Variants in NKAIN2 observed in about 807,000 individuals in gnomAD.
NKAIN2 encodes sodium/potassium transporting ATPase interacting 2.
A neutral mutation model predicts 32.6 loss-of-function variants in NKAIN2; 14 were observed. The ratio of observed to expected loss-of-function variants is 0.43; its 90% confidence interval spans 0.28 to 0.67. NKAIN2 has a LOEUF of 0.67. Among genes scored for constraint, NKAIN2 ranks in the 30% least tolerant of loss-of-function variants. The probability of loss-of-function intolerance (pLI) is 0.17; values close to 1 mark genes in which losing one functional copy is unlikely to be tolerated. For synonymous variants in NKAIN2, 80 were observed against 87.2 expected, an observed-to-expected ratio of 0.92 and a Z score of 0.46; for missense variants, 198 against 258.3, an observed-to-expected ratio of 0.77 and a Z score of 1.60.
intron 3 of NKAIN2, among the ~76,000 whole-genome samples, chr6:124,619,920 C>T (rs932608762): frequency 6.6e-6 from 1 of 152,140 alleles, no homozygotes. Context: ...CCTTACATTT[C>T]TTAATATCTT....
intron 1 of NKAIN2, among the ~76,000 whole-genome samples, chr6:123,812,084 A>G (rs1773500884): frequency 6.6e-6 from 1 of 151,892 alleles, no homozygotes; most frequent in South Asian, 2.1e-4. Flanking sequence ...GCATATTAGC[A>G]TATTAGCAGC....
intron 1 of NKAIN2, among the ~76,000 whole-genome samples, chr6:124,259,067 T>A (rs1215174105): frequency 6.6e-6 from 1 of 152,202 alleles, no homozygotes; most frequent in East Asian, 1.9e-4. Context: ...AGGTGGTTAC[T>A]GAGGAGGGGT....
At chr6:124,490,576 A>G (rs568540893) in intron 3 of NKAIN2, among the ~76,000 whole-genome samples, 2 of 151,864 alleles carry the variant, frequency 1.3e-5, no homozygotes, top group African/African-American at 4.8e-5. Flanking sequence ...TAATGTGGTA[A>G]AATAGCAAAT....
intron 3 of NKAIN2, among the ~76,000 whole-genome samples, chr6:124,535,973 T>C (rs1300076145): frequency 6.6e-6 from 1 of 152,182 alleles, no homozygotes; most frequent in Non-Finnish European, 1.5e-5. Context: ...GGGATGCCGA[T>C]GAGCAATCTG....
At chr6:123,864,456 A>G (rs1348200696) in intron 1 of NKAIN2, among the ~76,000 whole-genome samples, 1 of 152,204 alleles carries the variant, frequency 6.6e-6, no homozygotes, top group Non-Finnish European at 1.5e-5. Context: ...AACAAAACTG[A>G]GTCCCTATTC....
At chr6:124,247,212 C>T (rs1483783843) in intron 1 of NKAIN2, among the ~76,000 whole-genome samples, 1 of 151,928 alleles carries the variant, frequency 6.6e-6, no homozygotes, top group Non-Finnish European at 1.5e-5. Context: ...AACATTTGTC[C>T]ACCCACCAAA....
chr6:124,735,097 G>T (rs1449214471), intron 4 of NKAIN2, among the ~76,000 whole-genome samples: 4 of 151,860 alleles, frequency 2.6e-5, no homozygotes, highest in African/African-American at 9.7e-5. Flanking sequence ...TAAAAATGAA[G>T]AATTAACATT....
At chr6:124,771,658 G>C (rs1050929456) in intron 4 of NKAIN2, among the ~76,000 whole-genome samples, 30 of 152,132 alleles carry the variant, frequency 2.0e-4, no homozygotes, top group African/African-American at 7.0e-4. Context: ...TTAAATAAAT[G>C]GCAGAATTAT....
intron 1 of NKAIN2, among the ~76,000 whole-genome samples, chr6:124,087,899 A>T (rs1441891461): frequency 6.6e-6 from 1 of 152,008 alleles, no homozygotes; most frequent in African/African-American, 2.4e-5. Context: ...CATTCCGAAA[A>T]TTTTATTATA....
At chr6:124,742,563 C>T (rs548987352) in intron 4 of NKAIN2, among the ~76,000 whole-genome samples, 1 of 151,932 alleles carries the variant, frequency 6.6e-6, no homozygotes, top group African/African-American at 2.4e-5. Context: ...GAATTCTTGG[C>T]CTCTATAATT....
chr6:124,329,954 T>G (rs566640051), intron 2 of NKAIN2, among the ~76,000 whole-genome samples: 1 of 152,194 alleles, frequency 6.6e-6, no homozygotes, highest in Non-Finnish European at 1.5e-5. Flanking sequence ...ATATTTCCAA[T>G]TTTGCCCAGA....
At chr6:124,496,806 G>T (rs1315698958) in intron 3 of NKAIN2, among the ~76,000 whole-genome samples, 2 of 152,088 alleles carry the variant, frequency 1.3e-5, no homozygotes, top group Non-Finnish European at 2.9e-5. Flanking sequence ...AATATGGAAA[G>T]ATTATATTGA....
intron 3 of NKAIN2, among the ~76,000 whole-genome samples, chr6:124,516,812 T>C (rs1016981638): frequency 6.6e-6 from 1 of 152,164 alleles, no homozygotes; most frequent in Admixed American, 6.5e-5. Context: ...CACCTTCACT[T>C]CAAGTCTATG....
At chr6:124,412,389 G>T (rs632456) in intron 3 of NKAIN2, among the ~76,000 whole-genome samples, 1 of 152,084 alleles carries the variant, frequency 6.6e-6, no homozygotes. Flanking sequence ...TTTTCCGTCT[G>T]ACAGTCAGGA....
intron 4 of NKAIN2, among the ~76,000 whole-genome samples, chr6:124,676,849 G>A (rs1181567023): frequency 1.3e-5 from 2 of 152,074 alleles, no homozygotes; most frequent in African/African-American, 4.8e-5. Flanking sequence ...TTTGCATGGA[G>A]TATCTTTTTC....
intron 3 of NKAIN2, among the ~76,000 whole-genome samples, chr6:124,425,407 G>C (rs1774939654): frequency 6.6e-6 from 1 of 151,938 alleles, no homozygotes; most frequent in Non-Finnish European, 1.5e-5. Flanking sequence ...TATTGGTCTT[G>C]GCAGTGACCA....
intron 1 of NKAIN2, among the ~76,000 whole-genome samples, chr6:123,927,385 C>T (rs1776048219): frequency 6.6e-6 from 1 of 152,166 alleles, no homozygotes; most frequent in African/African-American, 2.4e-5. Context: ...CAAAAAGCCT[C>T]ATGTTAGTCA....
chr6:124,071,022 G>A (rs2114880059), intron 1 of NKAIN2, among the ~76,000 whole-genome samples: 1 of 152,296 alleles, frequency 6.6e-6, no homozygotes, highest in Non-Finnish European at 1.5e-5. Flanking sequence ...GTTATAGGCT[G>A]GAAGTCATGC....
intron 3 of NKAIN2, among the ~76,000 whole-genome samples, chr6:124,611,248 T>G (rs116877018): frequency 0.017 from 2,559 of 152,260 alleles, 32 homozygotes; most frequent in Non-Finnish European, 0.024. Context: ...GAAATTTAGC[T>G]TAAGACATAA....
Sources: allele counts gnomAD v4.1 joint callset (sites outside exome capture counted in the v4.1 genomes callset), GRCh38; gene constraint gnomAD v4.1.1; transcripts MANE v1.5; gene names NCBI Gene and HGNC (gene_info 2026-07-23, HGNC 2026-07-21).